Variants in CHKA observed in about 807,000 individuals in gnomAD.
The protein encoded by CHKA is CHETK-alpha.
Under a neutral mutation model 60.1 loss-of-function variants are expected in CHKA, and 34 were observed. The ratio of observed to expected loss-of-function variants is 0.57; its 90% CI spans 0.43 to 0.75. CHKA has a LOEUF of 0.75. Ranked by LOEUF, CHKA falls within the 30% of genes least tolerant of loss-of-function variation. CHKA has a pLI of 0.00. For missense variants in CHKA, 563 were observed against 561.3 expected, an observed-to-expected ratio of 1.00 and a Z score of -0.03; for synonymous variants, 217 against 223.1, an observed-to-expected ratio of 0.97 and a Z score of 0.24.
intron 11 of CHKA, among the ~76,000 whole-genome samples, chr11:68,056,305 C>A (rs1199669452): frequency 2.6e-5 from 4 of 152,130 alleles, no homozygotes; most frequent in African/African-American, 4.8e-5. Flanking sequence ...TAAACAGAAT[C>A]TCTCTCTCTG....
Position 68,121,151 on chromosome 11 carries a change from G to GC in CHKA, c.26dup (p.Glu10ArgfsTer15). 1.7e-6 allele frequency: 2 copies of GC among 1,207,114 alleles called. No individual in the cohort carries two copies. Among genetic ancestry groups the GC allele is most frequent in the South Asian group, 2.1e-5 (1 of 47,856 alleles). 74.8% of individuals were successfully genotyped at this position (1,207,114 alleles called of 1,614,324 possible). A position where few individuals can be genotyped will look rare whatever the true frequency, so the allele number is the denominator to read the frequency against. ...GCCCGAGCGGCGAGGGCTCCGCCTC[G>GC]CCCCCGGTGCAGAATTTGGTTTTCA... On this transcript the variant is annotated frameshift_variant, in exon 1 of 12. Transcript: ENST00000265689. LOFTEE classifies it high-confidence loss of function.
chr11:68,072,678 A>G (rs546213067), intron 4 of CHKA, among the ~76,000 whole-genome samples: 3 of 152,232 alleles, frequency 2.0e-5, no homozygotes, highest in East Asian at 3.9e-4. Flanking sequence ...CAAACCTAGT[A>G]TATAACAGAA....
intron 2 of CHKA, among the ~76,000 whole-genome samples, chr11:68,094,336 G>A (rs142933097): frequency 1.2e-3 from 179 of 152,250 alleles, no homozygotes; most frequent in Non-Finnish European, 2.2e-3. Flanking sequence ...AAGGCCAGGA[G>A]TTTGAGACCA....
At chr11:68,080,948 G>A (rs1169753705) in intron 3 of CHKA, among the ~76,000 whole-genome samples, 3 of 152,200 alleles carry the variant, frequency 2.0e-5, no homozygotes, top group Admixed American at 2.0e-4. Context: ...TCCAACTTGG[G>A]TATCATCCAT....
At chr11:68,060,492 GTAGAGA>G (rs1382948284) in intron 11 of CHKA, among the ~76,000 whole-genome samples, 4 of 151,956 alleles carry the variant, frequency 2.6e-5, no homozygotes, top group African/African-American at 9.7e-5. Context: ...TGTATTTTTA[GTAGAGA>G]TAGAGTTTCA....
At chr11:68,065,666 A>C in intron 9 of CHKA, 120 bp downstream of exon 9, 1 of 691,992 alleles carries the variant, frequency 1.4e-6, no homozygotes, top group Non-Finnish European at 2.5e-6. Flanking sequence ...GCACTACTGC[A>C]CTCCAGCCTG....
intron 1 of CHKA, among the ~76,000 whole-genome samples, chr11:68,116,145 C>T (rs1014065708): frequency 5.3e-5 from 8 of 152,122 alleles, no homozygotes; most frequent in Non-Finnish European, 8.8e-5. Context: ...GTCTGTGGAA[C>T]GTAATGTCAA....
chr11:68,105,059 G>A (rs1300837623), intron 1 of CHKA, among the ~76,000 whole-genome samples: 4 of 151,308 alleles, frequency 2.6e-5, no homozygotes, highest in South Asian at 4.2e-4. Context: ...AGTTGAGATC[G>A]TACCATTGCA....
At chr11:68,089,997 T>C (rs1857298679) in intron 2 of CHKA, 1 of 152,184 alleles carries the variant, frequency 6.6e-6, no homozygotes, top group African/African-American at 2.4e-5. Context: ...GGTCAAACCA[T>C]CGTTCCATGG....
intron 1 of CHKA, among the ~76,000 whole-genome samples, chr11:68,116,891 C>T (rs1858404911): frequency 6.6e-6 from 1 of 152,102 alleles, no homozygotes; most frequent in African/African-American, 2.4e-5. Flanking sequence ...CTATACCACT[C>T]ATAGTTGAAG....
chr11:68,056,389 A>AG (rs2134483000), intron 11 of CHKA, among the ~76,000 whole-genome samples: 1 of 152,288 alleles, frequency 6.6e-6, no homozygotes, highest in South Asian at 2.1e-4. Context: ...CTTATTCCAG[A>AG]GGGGGTCCTG....
intron 1 of CHKA, among the ~76,000 whole-genome samples, chr11:68,111,714 T>C (rs1304236325): frequency 1.3e-5 from 2 of 152,000 alleles, no homozygotes; most frequent in East Asian, 1.9e-4. Flanking sequence ...GGCAATACAA[T>C]GTAACAAATG....
chr11:68,112,960 T>C (rs1858220761), intron 1 of CHKA, among the ~76,000 whole-genome samples: 1 of 151,626 alleles, frequency 6.6e-6, no homozygotes, highest in South Asian at 2.1e-4. Flanking sequence ...CAGCCGCCTG[T>C]AGTCCCAGCT....
At position 68,065,891 on chromosome 11, in the gene CHKA, T is replaced by G. The variant is rs531334413; in HGVS notation, c.1020A>C (p.Gly340=). 35 of 1,595,622 alleles carry G rather than the reference T, an allele frequency of 2.2e-5. No individual in the cohort carries two copies. The South Asian group carries it at 3.6e-4, about 17-fold the overall frequency. The change falls in exon 9 of 12, where the codon GGA becomes GGC. Residue 340 remains glycine (G), a synonymous_variant. Coordinates refer to ENST00000265689, the MANE Select transcript of CHKA (RefSeq NM_001277.3). ...DFEYSSYNYR[G]FDIGNHFCEW... The stretch of plus-strand genomic sequence containing the variant: ...CACAGAAGTGATTTCCAATGTCGAA[T>G]CCCCTGAAATAAGACATAAGACAGT...
chr11:68,061,947 A>G lies in CHKA; in HGVS notation c.1314+6T>C. Reference sequence around the variant, plus strand: ...AAAAAAAAACAAAAACGCTGCTAAAACATACCATGTACCCAAATTCAATAG... The same window carrying G: ...AAAAAAAAACAAAAACGCTGCTAAAGCATACCATGTACCCAAATTCAATAG... On this transcript the variant is annotated splice_donor_region_variant and intron_variant, in intron 11 of 11. Coordinates refer to ENST00000265689, the MANE Select transcript of CHKA (RefSeq NM_001277.3). 6.4e-7 allele frequency: 1 copy of G among 1,574,764 alleles called. No homozygotes were observed. Among genetic ancestry groups the G allele is most frequent in the Non-Finnish European group, 8.6e-7 (1 of 1,158,630 alleles).
intron 1 of CHKA, among the ~76,000 whole-genome samples, chr11:68,097,831 C>G (rs1756485698): frequency 6.6e-6 from 1 of 152,066 alleles, no homozygotes; most frequent in African/African-American, 2.4e-5. Context: ...AAACAGGAGA[C>G]CTCAATACTC....
intron 1 of CHKA, among the ~76,000 whole-genome samples, chr11:68,113,797 C>G (rs1858273673): frequency 6.6e-6 from 1 of 152,134 alleles, no homozygotes; most frequent in African/African-American, 2.4e-5. Context: ...GAGTTCAAGA[C>G]CAGCCTGGCC....
chr11:68,086,054 C>T (rs1241623081), intron 2 of CHKA, among the ~76,000 whole-genome samples: 2 of 152,198 alleles, frequency 1.3e-5, no homozygotes, highest in Admixed American at 1.3e-4. Context: ...GTGGCTCACG[C>T]CTGTAATCCC....
At position 68,081,452 on chromosome 11, in the gene CHKA, G is replaced by A. The variant is rs1957514644; in HGVS notation, c.468C>T (p.Ser156=). Residue 156 remains serine, a synonymous_variant, in exon 3 of 12, where the codon TCC becomes TCT. Transcript: ENST00000265689. ...CTTGTTCGGATCCCTCTTTATTACA[G>A]GACCTCTATGAATGAGAAAAAGGAA... is the stretch of plus-strand genomic sequence containing the variant. ...RLYGAILQMR[S]CNKEGSEQAQ... 1 of 1,612,708 alleles carries A rather than the reference G, an allele frequency of 6.2e-7. No homozygotes were observed.
Sources: allele counts gnomAD v4.1 joint callset (sites outside exome capture counted in the v4.1 genomes callset), GRCh38; gene constraint gnomAD v4.1.1; transcripts MANE v1.5; gene names NCBI Gene and HGNC (gene_info 2026-07-23, HGNC 2026-07-21).